The following FBXL17 variants were observed in gnomAD, a reference collection of about 807,000 sequenced individuals.
The protein encoded by FBXL17 is F-box and leucine rich repeat protein 17.
FBXL17 carries 22 observed loss-of-function variants against 66.2 expected under a neutral mutation model. The ratio of observed to expected loss-of-function variants is 0.33; its 90% CI spans 0.24 to 0.47. FBXL17 has a LOEUF of 0.47. Among genes scored for constraint, FBXL17 ranks in the 20% least tolerant of loss-of-function variants. The pLI is 1.00. For missense variants in FBXL17, 878 were observed against 948.2 expected (o/e 0.93, Z 0.97); for synonymous variants, 474 against 400.5 (o/e 1.18, Z -2.19).
At chr5:108,204,503 G>A (rs1358485103) in intron 5 of FBXL17, among the ~76,000 whole-genome samples, 1 of 152,072 alleles carries the variant, frequency 6.6e-6, no homozygotes. Flanking sequence ...AGGTCTTCTT[G>A]ACTACTGATT....
Position 107,861,811 on chromosome 5 carries a change from G to A in FBXL17, c.2015C>T (p.Thr672Ile). The A allele has an allele frequency of 6.3e-7, 1 of 1,576,048 alleles. No homozygotes were observed. Among genetic ancestry groups the A allele is most frequent in the Non-Finnish European group, 8.6e-7 (1 of 1,157,884 alleles). Reference sequence around the variant, plus strand: ...GCAGTCCTGCAGGACGGTGCTGAAGGTGATGTGGGGGTACTGCTGCACCAG... The same window carrying A: ...GCAGTCCTGCAGGACGGTGCTGAAGATGATGTGGGGGTACTGCTGCACCAG... ...EQLVQQYPHI[T>I]FSTVLQDCKR... The change falls in exon 9 of 9, where the codon ACC (threonine) becomes ATC (isoleucine). Residue 672 changes from threonine (T) to isoleucine (I), a missense_variant. Transcript: ENST00000542267.
intron 4 of FBXL17, among the ~76,000 whole-genome samples, chr5:108,232,879 G>GA (rs1454386586): frequency 6.8e-6 from 1 of 147,066 alleles, no homozygotes; most frequent in Non-Finnish European, 1.5e-5. Context: ...TTAATGAGTA[G>GA]AATTCCACTG....
At chr5:107,918,122 T>A (rs1750193826) in intron 7 of FBXL17, among the ~76,000 whole-genome samples, 1 of 152,186 alleles carries the variant, frequency 6.6e-6, no homozygotes, top group South Asian at 2.1e-4. Flanking sequence ...TCCAGGCAGA[T>A]CTACTCACCC....
At chr5:108,006,282 A>T (rs879702034) in intron 7 of FBXL17, among the ~76,000 whole-genome samples, 13 of 152,228 alleles carry the variant, frequency 8.5e-5, no homozygotes, top group South Asian at 2.1e-4. Context: ...TGATAAATAG[A>T]TTATAAGATA....
At chr5:108,368,066 A>G (rs985259726) in intron 1 of FBXL17, 113 bp from the exon 2 acceptor site, 4 of 992,350 alleles carry the variant, frequency 4.0e-6, no homozygotes, top group Non-Finnish European at 5.8e-6. Flanking sequence ...CTTCTTGAAT[A>G]AAAGAGGCCA....
intron 4 of FBXL17, among the ~76,000 whole-genome samples, chr5:108,255,157 TAATAA>T (rs769527978): frequency 1.3e-5 from 2 of 152,130 alleles, no homozygotes; most frequent in African/African-American, 4.8e-5. Flanking sequence ...TTTTTCAACA[TAATAA>T]AATACATTTT....
At chr5:108,100,804 G>A (rs114330405) in intron 6 of FBXL17, among the ~76,000 whole-genome samples, 1,645 of 152,270 alleles carry the variant, frequency 0.011, 40 homozygotes, top group African/African-American at 0.037. Flanking sequence ...GATCTCTAGA[G>A]CTTAGTTTTC....
intron 4 of FBXL17, among the ~76,000 whole-genome samples, chr5:108,291,588 T>C (rs150949355): frequency 0.011 from 1,710 of 152,252 alleles, 46 homozygotes; most frequent in African/African-American, 0.039. Flanking sequence ...ACTTAAAAAA[T>C]GAAAATAATG....
At chr5:108,292,019 A>G (rs187750736) in intron 4 of FBXL17, among the ~76,000 whole-genome samples, 1 of 152,332 alleles carries the variant, frequency 6.6e-6, no homozygotes, top group Admixed American at 6.5e-5. Flanking sequence ...GATCAGAATA[A>G]TAATTCAAAA....
At chr5:108,051,817 A>T (rs964782781) in intron 6 of FBXL17, among the ~76,000 whole-genome samples, 2 of 152,124 alleles carry the variant, frequency 1.3e-5, no homozygotes, top group Non-Finnish European at 2.9e-5. Flanking sequence ...TCCACTAAAA[A>T]TACAAAAAAT....
chr5:108,337,428 T>C (rs1760439800), intron 4 of FBXL17, among the ~76,000 whole-genome samples: 1 of 152,116 alleles, frequency 6.6e-6, no homozygotes, highest in African/African-American at 2.4e-5. Context: ...CTGAAGAATA[T>C]ACAGGTTTCT....
intron 5 of FBXL17, 113 bp downstream of exon 5, chr5:108,224,008 A>G: frequency 2.4e-6 from 1 of 414,202 alleles, no homozygotes; most frequent in Non-Finnish European, 4.4e-6. Context: ...ATCAAACATT[A>G]GTAGGCTTCT....
At chr5:108,061,814 T>C (rs1580388913) in intron 6 of FBXL17, among the ~76,000 whole-genome samples, 1 of 152,090 alleles carries the variant, frequency 6.6e-6, no homozygotes, top group South Asian at 2.1e-4. Flanking sequence ...ACCATGACTT[T>C]TGTTGTTACA....
chr5:108,378,264 A>C (rs1043484782), intron 1 of FBXL17, among the ~76,000 whole-genome samples: 5 of 149,962 alleles, frequency 3.3e-5, no homozygotes, highest in Non-Finnish European at 7.4e-5. Flanking sequence ...TTCCCAAAAA[A>C]CATCCTTTAA....
chr5:108,263,861 A>T lies in FBXL17; in HGVS notation c.1507-39633T>A, dbSNP rs79035411. ...AGAGAAAATTATCCTTATTAGAACA[A>T]ACTACCCAATATGATCAGCAAATTT... On this transcript the variant is annotated intron_variant, in intron 4 of 8. Coordinates refer to ENST00000542267, the MANE Select transcript of FBXL17 (RefSeq NM_001163315.3). Among the ~76,000 whole-genome samples, 122 of 152,332 alleles carry T rather than the reference A, an allele frequency of 8.0e-4. 2 individuals carry two copies. The East Asian group carries it at 0.019, about 24-fold the overall frequency.
At chr5:108,328,432 G>A (rs1215795224) in intron 4 of FBXL17, among the ~76,000 whole-genome samples, 1 of 151,968 alleles carries the variant, frequency 6.6e-6, no homozygotes, top group Non-Finnish European at 1.5e-5. Context: ...AAAAGGGCAG[G>A]AGAATATGAA....
At chr5:108,146,914 A>G (rs1303090854) in intron 6 of FBXL17, among the ~76,000 whole-genome samples, 1 of 152,202 alleles carries the variant, frequency 6.6e-6, no homozygotes, top group Non-Finnish European at 1.5e-5. Flanking sequence ...AAAGAAATAG[A>G]AACTTATTTC....
At chr5:108,204,379 A>C (rs922051549) in intron 5 of FBXL17, among the ~76,000 whole-genome samples, 3 of 151,928 alleles carry the variant, frequency 2.0e-5, no homozygotes, top group Non-Finnish European at 4.4e-5. Context: ...GATGGGTCTT[A>C]CTATATTAAT....
chr5:108,347,052 A>G (rs1747325399), intron 4 of FBXL17, among the ~76,000 whole-genome samples: 2 of 152,190 alleles, frequency 1.3e-5, no homozygotes, highest in Non-Finnish European at 2.9e-5. Flanking sequence ...AACATTTTCA[A>G]ATACAGACAT....
Sources: gnomAD v4.1 joint callset for allele counts (sites outside exome capture counted in the v4.1 genomes callset) on GRCh38, gnomAD v4.1.1 for gene constraint, MANE v1.5 for transcripts, NCBI Gene and HGNC (gene_info 2026-07-23, HGNC 2026-07-21) for gene names.